Variants in SUCLG2 observed in about 807,000 individuals in gnomAD.
SUCLG2 encodes the protein succinate-CoA ligase GDP-forming subunit beta.
Under a neutral mutation model 47.9 loss-of-function variants are expected in SUCLG2, and 42 were observed. The ratio of observed to expected loss-of-function variants is 0.88; its 90% CI spans 0.69 to 1.14. SUCLG2 has a LOEUF of 1.14. Ranked by LOEUF, SUCLG2 falls within the 50% of genes most tolerant of loss-of-function variation. The pLI, the probability that SUCLG2 is intolerant of heterozygous loss-of-function variation, is 0.00. For missense variants in SUCLG2, 571 were observed against 525.9 expected (o/e 1.09, Z -0.84); for synonymous variants, 195 against 197.3 (o/e 0.99, Z 0.10).
rs553093867 is a variant in SUCLG2 at position 67,479,232 on chromosome 3, C to A, written c.1062+16566G>T. Among the ~76,000 whole-genome samples, 15 of 152,000 alleles carry A rather than the reference C, an allele frequency of 9.9e-5. No homozygotes were observed. The East Asian group carries it at 2.7e-3, about 27-fold the overall frequency. The stretch of plus-strand genomic sequence containing the variant: ...TCCAATATCTAGAAAAAGTCACATG[C>A]TGATTCTCTGACCACAGAGTAATCT... On this transcript the variant is annotated intron_variant, in intron 9 of 10. Coordinates refer to ENST00000307227, the MANE Select transcript of SUCLG2 (RefSeq NM_003848.4).
At chr3:67,448,243 T>C (rs1460126905) in intron 9 of SUCLG2, among the ~76,000 whole-genome samples, 2 of 152,146 alleles carry the variant, frequency 1.3e-5, no homozygotes, top group African/African-American at 4.8e-5. Context: ...TGGAATGCAG[T>C]CATAAAAATG....
intron 9 of SUCLG2, among the ~76,000 whole-genome samples, chr3:67,429,164 T>C (rs1026891197): frequency 6.6e-6 from 1 of 151,972 alleles, no homozygotes; most frequent in East Asian, 1.9e-4. Flanking sequence ...TTCACCAAAG[T>C]TGAAATGAAG....
chr3:67,429,612 A>G (rs1037799362), intron 9 of SUCLG2, among the ~76,000 whole-genome samples: 1 of 152,224 alleles, frequency 6.6e-6, no homozygotes, highest in Non-Finnish European at 1.5e-5. Context: ...TTAACCTTAA[A>G]TGTAAATGAG....
At chr3:67,380,623 A>G (rs1702136975) in intron 10 of SUCLG2, among the ~76,000 whole-genome samples, 1 of 152,110 alleles carries the variant, frequency 6.6e-6, no homozygotes, top group African/African-American at 2.4e-5. Context: ...CTGTTATGAG[A>G]AATGGGTCAT....
At chr3:67,640,864 T>G (rs1169705340) in intron 1 of SUCLG2, among the ~76,000 whole-genome samples, 1 of 152,236 alleles carries the variant, frequency 6.6e-6, no homozygotes, top group East Asian at 1.9e-4. Flanking sequence ...TGTTAGCTTC[T>G]GATTACCAAA....
At chr3:67,642,996 C>G (rs955567850) in intron 1 of SUCLG2, among the ~76,000 whole-genome samples, 1 of 151,990 alleles carries the variant, frequency 6.6e-6, no homozygotes, top group Non-Finnish European at 1.5e-5. Flanking sequence ...TGGTTCCTGG[C>G]AAACAGGTTC....
At chr3:67,398,042 T>C (rs1290299756) in intron 10 of SUCLG2, among the ~76,000 whole-genome samples, 1 of 150,436 alleles carries the variant, frequency 6.6e-6, no homozygotes, top group East Asian at 2.0e-4. Context: ...AAGACTTAAA[T>C]GTTAGAACTA....
At chr3:67,380,631 C>A (rs1702137085) in intron 10 of SUCLG2, among the ~76,000 whole-genome samples, 2 of 151,786 alleles carry the variant, frequency 1.3e-5, no homozygotes, top group South Asian at 2.1e-4. Flanking sequence ...AGAAATGGGT[C>A]ATATGCAGAG....
intron 10 of SUCLG2, among the ~76,000 whole-genome samples, chr3:67,381,287 G>A (rs2106769116): frequency 6.6e-6 from 1 of 152,272 alleles, no homozygotes; most frequent in Non-Finnish European, 1.5e-5. Flanking sequence ...AAGAATTAGA[G>A]GAAGCCTTGG....
intron 2 of SUCLG2, among the ~76,000 whole-genome samples, chr3:67,586,138 C>T (rs547635936): frequency 2.6e-5 from 4 of 152,260 alleles, no homozygotes; most frequent in Admixed American, 6.5e-5. Context: ...AAATAGCATG[C>T]TACTTCCAAA....
chr3:67,496,129 T>C (rs1019153873), intron 8 of SUCLG2, among the ~76,000 whole-genome samples, 189 bp from the exon 9 acceptor site: 1 of 152,114 alleles, frequency 6.6e-6, no homozygotes, highest in Non-Finnish European at 1.5e-5. Flanking sequence ...GACATGTATA[T>C]GCAAACAATG....
chr3:67,421,068 G>A (rs141247923), intron 9 of SUCLG2, among the ~76,000 whole-genome samples: 20 of 152,294 alleles, frequency 1.3e-4, no homozygotes, highest in Admixed American at 3.9e-4. Context: ...AGAAGTTCAG[G>A]TGTTGACACT....
At chr3:67,514,342 T>C (rs184804340) in intron 6 of SUCLG2, 3 of 345,250 alleles carry the variant, frequency 8.7e-6, no homozygotes, top group Admixed American at 3.2e-5. Flanking sequence ...ATGATGACTA[T>C]GTGTATTCTT....
chr3:67,545,582 G>A (rs1417764605), intron 2 of SUCLG2, among the ~76,000 whole-genome samples: 1 of 152,178 alleles, frequency 6.6e-6, no homozygotes, highest in African/African-American at 2.4e-5. Flanking sequence ...GGATGAAACT[G>A]AGCAGTATCA....
intron 9 of SUCLG2, among the ~76,000 whole-genome samples, chr3:67,494,182 T>G (rs1705272878): frequency 6.6e-6 from 1 of 152,194 alleles, no homozygotes; most frequent in Non-Finnish European, 1.5e-5. Flanking sequence ...ATGGGAAGCT[T>G]CCATATTTAG....
intron 1 of SUCLG2, among the ~76,000 whole-genome samples, chr3:67,641,255 C>T (rs2107369169): frequency 6.6e-6 from 1 of 152,212 alleles, no homozygotes; most frequent in Non-Finnish European, 1.5e-5. Flanking sequence ...AATCCAACAC[C>T]AGCAAATAAG....
At position 67,499,181 on chromosome 3, in the gene SUCLG2, T is replaced by C. The variant is rs538078370; in HGVS notation, c.758-886A>G. On this transcript the variant is annotated intron_variant, in intron 7 of 10. Coordinates refer to ENST00000307227, the MANE Select transcript of SUCLG2 (RefSeq NM_003848.4). The stretch of plus-strand genomic sequence containing the variant: ...TACTACACTGAAGCAAATTAACACA[T>C]CCATCTTCTCATATAGTTTTTGGTT... 9.4e-5 allele frequency among the ~76,000 whole-genome samples: 10 copies of C among 105,988 alleles called. No homozygotes were observed. In the South Asian group the frequency reaches 2.9e-3, roughly 31 times the overall value. 69.5% of individuals were successfully genotyped at this position (105,988 alleles called of 152,430 possible).
chr3:67,422,444 C>T (rs868033867), intron 9 of SUCLG2, among the ~76,000 whole-genome samples: 5 of 118,206 alleles, frequency 4.2e-5, no homozygotes, highest in Non-Finnish European at 8.6e-5. Flanking sequence ...CACTGCACTC[C>T]GGCCTGGTGA....
At chr3:67,601,193 A>C (rs1708410275) in intron 2 of SUCLG2, among the ~76,000 whole-genome samples, 3 of 152,224 alleles carry the variant, frequency 2.0e-5, no homozygotes, top group Admixed American at 6.5e-5. Context: ...ATTCTCTCTC[A>C]ATGATGTCAT....
Sources: gnomAD v4.1 joint callset for allele counts (sites outside exome capture counted in the v4.1 genomes callset) on GRCh38, gnomAD v4.1.1 for gene constraint, MANE v1.5 for transcripts, NCBI Gene and HGNC (gene_info 2026-07-23, HGNC 2026-07-21) for gene names.